The following ZNF76 variants were observed in gnomAD, a reference collection of about 807,000 sequenced individuals.
ZNF76 encodes the protein zinc finger protein 76.
ZNF76 carries 66 observed loss-of-function variants against 66.9 expected under a neutral mutation model. The observed-to-expected ratio is 0.99, with a 90% confidence interval of 0.81 to 1.21. The LOEUF is 1.21. Among genes scored for constraint, ZNF76 ranks in the 50% most tolerant of loss-of-function variants. The probability of loss-of-function intolerance (pLI) is 0.00; values close to 1 mark genes in which losing one functional copy is unlikely to be tolerated. For synonymous variants in ZNF76, 275 were observed against 296.1 expected (o/e 0.93, Z 0.73); for missense variants, 729 against 760.3 (o/e 0.96, Z 0.48).
Position 35,291,336 on chromosome 6 carries a change from A to G in ZNF76, c.684A>G (p.Pro228=). ...THTGEKPYKC[P]EELCSKAFKT... ...CTGGTGAGAAACCATACAAGTGCCC[A>G]GAGGAGCTGTGCAGCAAGGCCTTCA... The change falls in exon 8 of 14, where the codon CCA becomes CCG. Residue 228 remains proline (P), a synonymous_variant. Transcript: ENST00000373953. 1 of 1,614,012 alleles carries G rather than the reference A, an allele frequency of 6.2e-7. No homozygotes were observed. Among genetic ancestry groups the G allele is most frequent in the South Asian group, 1.1e-5 (1 of 91,070 alleles).
chr6:35,286,509 C>T (rs1356501607), intron 4 of ZNF76, 110 bp downstream of exon 4: 2 of 998,872 alleles, frequency 2.0e-6, no homozygotes, highest in Non-Finnish European at 3.1e-6. Context: ...GACATGGGAG[C>T]TGTCATCTCC....
At position 35,286,386 on chromosome 6, in the gene ZNF76, C is replaced by T. The variant is rs748230503; in HGVS notation, c.219C>T (p.His73=). 24 of 1,613,992 alleles carry T rather than the reference C, an allele frequency of 1.5e-5. No individual in the cohort carries two copies. The South Asian group carries it at 2.3e-4, about 16-fold the overall frequency. The change falls in exon 4 of 14, where the codon CAC becomes CAT. Residue 73 remains histidine, a synonymous_variant. Transcript: ENST00000373953. ...QLEDGSMAYI[H]RTPREGYDPS... ...AAGATGGCAGCATGGCTTACATACA[C>T]CGCACACCCAGAGGTAGGGTCACCA...
At chr6:35,291,222 G>A (rs1790327437) in intron 7 of ZNF76, 56 bp from the exon 8 acceptor site, 13 of 1,559,604 alleles carry the variant, frequency 8.3e-6, no homozygotes, top group Non-Finnish European at 1.1e-5. Context: ...GTGGACGGTG[G>A]AGGATGAGAC....
chr6:35,272,201 G>A (rs1371936656), intron 1 of ZNF76, among the ~76,000 whole-genome samples: 1 of 150,996 alleles, frequency 6.6e-6, no homozygotes, highest in Non-Finnish European at 1.5e-5. Context: ...CAGCACTTTG[G>A]GAGGCTGAGG....
chr6:35,273,180 C>G (rs1386778622), intron 1 of ZNF76, among the ~76,000 whole-genome samples: 2 of 140,814 alleles, frequency 1.4e-5, no homozygotes, highest in African/African-American at 5.2e-5. Context: ...AAACAAAAAA[C>G]AAAAAAAAAA....
Position 35,290,796 on chromosome 6 carries a change from C to T in ZNF76, c.625+80C>T, listed in dbSNP as rs143584920. ...TGGGACCTCTCTGAAGGGAACCCAACACCAGGCTGCTTTCCTGGAGAAACT... is the reference window on the plus strand; with the variant it reads ...TGGGACCTCTCTGAAGGGAACCCAATACCAGGCTGCTTTCCTGGAGAAACT... On this transcript the variant is annotated intron_variant, in intron 7 of 13. Coordinates refer to ENST00000373953, the MANE Select transcript of ZNF76 (RefSeq NM_003427.5). 43 of 1,340,274 alleles carry T rather than the reference C, an allele frequency of 3.2e-5. No homozygotes were observed. The African/African-American group carries it at 3.3e-4, about 10-fold the overall frequency. The allele number at this position is 1,340,274 out of a possible 1,614,324, so 83.0% of individuals were successfully genotyped here. A position where few individuals can be genotyped will look rare whatever the true frequency, so the allele number is the denominator to read the frequency against.
chr6:35,259,956 G>C (rs1784941723), intron 1 of ZNF76, 115 bp downstream of exon 1: 1 of 152,118 alleles, frequency 6.6e-6, no homozygotes, highest in African/African-American at 2.4e-5. Flanking sequence ...GCCCTAGCAG[G>C]GCGGCCTGGC....
intron 1 of ZNF76, among the ~76,000 whole-genome samples, chr6:35,271,975 C>T (rs778955844): frequency 2.2e-4 from 33 of 151,020 alleles, no homozygotes; most frequent in South Asian, 8.4e-4. Context: ...CATGGTGGCA[C>T]GCACCTGTAG....
intron 1 of ZNF76, among the ~76,000 whole-genome samples, chr6:35,261,838 C>T (rs916023731): frequency 6.6e-6 from 1 of 151,988 alleles, no homozygotes; most frequent in Non-Finnish European, 1.5e-5. Flanking sequence ...TTTCTATTAC[C>T]GTTTGCCATG....
In ZNF76 at chr6:35,281,063, A is replaced by G. The variant is rs1788706809; in HGVS notation, c.-89A>G. 3 of 1,238,298 alleles carry G rather than the reference A, an allele frequency of 2.4e-6. No homozygotes were observed. The Admixed American group carries it at 5.1e-5, about 21-fold the overall frequency. 76.7% of individuals were successfully genotyped at this position (1,238,298 alleles called of 1,614,324 possible). A position where few individuals can be genotyped will look rare whatever the true frequency, so the allele number is the denominator to read the frequency against. On this transcript the variant is annotated 5_prime_UTR_variant, in exon 2 of 14. The change abolishes the stop of an existing upstream ORF in the 5' untranslated region. Coordinates refer to ENST00000373953, the MANE Select transcript of ZNF76 (RefSeq NM_003427.5). ...TACTGTTTATTTTCTTAGATTTGTG[A>G]CCCAGAAGGAAATCTCTGACCTCAG... is the stretch of plus-strand genomic sequence containing the variant.
intron 1 of ZNF76, among the ~76,000 whole-genome samples, chr6:35,278,605 G>A (rs954649738): frequency 6.6e-5 from 10 of 152,370 alleles, no homozygotes; most frequent in South Asian, 6.2e-4. Flanking sequence ...AAAGATATCG[G>A]TTGGTAAGTC....
chr6:35,263,624 A>G (rs1785561582), intron 1 of ZNF76, among the ~76,000 whole-genome samples: 2 of 152,216 alleles, frequency 1.3e-5, no homozygotes, highest in South Asian at 2.1e-4. Context: ...GGTGGATTTT[A>G]AAAAGGAGTT....
At chr6:35,276,509 TTCTC>T (rs1787913178) in intron 1 of ZNF76, among the ~76,000 whole-genome samples, 1 of 152,250 alleles carries the variant, frequency 6.6e-6, no homozygotes. Flanking sequence ...TATCCCCATT[TTCTC>T]AGAAGTGACA....
At chr6:35,291,256 C>G (rs746652724) in intron 7 of ZNF76, 22 bp from the exon 8 acceptor site, 6 of 1,592,272 alleles carry the variant, frequency 3.8e-6, no homozygotes, top group Middle Eastern at 1.7e-4. Context: ...CATCTCACCC[C>G]CTGCCTGCCA....
In ZNF76 at chr6:35,261,663, T is replaced by A. The variant is rs1452022485; in HGVS notation, c.-97+1822T>A. ...CCCAGACTTACTCAACCTCAGCTCC[T>A]TATTCCTTATTTTCTAGTAATTCCT... On this transcript the variant is annotated intron_variant, in intron 1 of 13. Transcript: ENST00000373953. Among the ~76,000 whole-genome samples, 13 of 152,230 alleles carry A rather than the reference T, an allele frequency of 8.5e-5. No homozygotes were observed. The East Asian group carries it at 2.5e-3, about 29-fold the overall frequency.
chr6:35,291,727 C>A lies in ZNF76; in HGVS notation c.921C>A (p.Arg307=), dbSNP rs534854546. Reference sequence around the variant, plus strand: ...CCACCAACTATAAGAATCACGTGCGCATCCACACAGGTGGGCTAGCTGGCA... The same window carrying A: ...CCACCAACTATAAGAATCACGTGCGAATCCACACAGGTGGGCTAGCTGGCA... The part of the protein sequence containing the change: ...TSATNYKNHV[R]IHTGEKPYVC... The change falls in exon 9 of 14, where the codon CGC becomes CGA. Residue 307 remains arginine (R), a synonymous_variant. Coordinates refer to ENST00000373953, the MANE Select transcript of ZNF76 (RefSeq NM_003427.5). The A allele has an allele frequency of 6.2e-7, 1 of 1,608,510 alleles. No individual in the cohort carries two copies. The highest frequency in any genetic ancestry group is 1.1e-5 in the South Asian group (1 of 91,090).
chr6:35,290,309 A>C lies in ZNF76; in HGVS notation c.476A>C (p.Gln159Pro). 1 of 1,614,190 alleles carries C rather than the reference A, an allele frequency of 6.2e-7. No individual in the cohort carries two copies. ...SQIPRNGKGQ[Q>P]VGDRAFRCGY... Reference sequence around the variant, plus strand: ...ATTCCCCGTAATGGAAAAGGGCAGCAAGTTGGAGACAGAGCATTCCGCTGT... The same window carrying C: ...ATTCCCCGTAATGGAAAAGGGCAGCCAGTTGGAGACAGAGCATTCCGCTGT... The change falls in exon 6 of 14, where the codon CAA (glutamine) becomes CCA (proline). Residue 159 changes from glutamine to proline, a missense_variant. Coordinates refer to ENST00000373953, the MANE Select transcript of ZNF76 (RefSeq NM_003427.5).
chr6:35,264,162 G>A (rs1405790001), intron 1 of ZNF76, among the ~76,000 whole-genome samples: 5 of 152,182 alleles, frequency 3.3e-5, no homozygotes, highest in Admixed American at 3.3e-4. Flanking sequence ...GTGTACAAAA[G>A]TAAAAGCAGT....
In ZNF76 at chr6:35,268,677, GA is replaced by G. The variant is rs1562090047; in HGVS notation, c.-97+8838del. On this transcript the variant is annotated intron_variant, in intron 1 of 13. Coordinates refer to ENST00000373953, the MANE Select transcript of ZNF76 (RefSeq NM_003427.5). ...TAGCTGGGCATGGTGGCGTGCAGGA[GA>G]ATTGCTTGAACCAGGACCCAGGAGG... 2.7e-5 allele frequency among the ~76,000 whole-genome samples: 4 copies of G among 150,474 alleles called. No individual in the cohort carries two copies. In the South Asian group the frequency reaches 8.6e-4, roughly 32 times the overall value.
Sources: gnomAD v4.1 joint callset for allele counts (sites outside exome capture counted in the v4.1 genomes callset) on GRCh38, gnomAD v4.1.1 for gene constraint, MANE v1.5 for transcripts, NCBI Gene and HGNC (gene_info 2026-07-23, HGNC 2026-07-21) for gene names.